Variants in TG observed in about 807,000 individuals in gnomAD.
TG encodes thyroid hormones.
Under a neutral mutation model 324.7 loss-of-function variants are expected in TG, and 270 were observed. That is an observed-to-expected ratio of 0.83 (90% CI 0.75 to 0.92). The LOEUF (loss-of-function observed/expected upper bound fraction) is 0.92. TG is among the 40% of genes least tolerant of loss of function. The probability of loss-of-function intolerance (pLI) is 0.00; values close to 1 mark genes in which losing one functional copy is unlikely to be tolerated. For synonymous variants in TG, 1,401 were observed against 1,327.0 expected (o/e 1.06, Z -1.21); for missense variants, 3,591 against 3,456.4 (o/e 1.04, Z -0.98).
intron 14 of TG, among the ~76,000 whole-genome samples, chr8:132,899,293 G>A (rs1379265146): frequency 1.3e-5 from 2 of 152,182 alleles, no homozygotes; most frequent in East Asian, 1.9e-4. Flanking sequence ...CACACACAGA[G>A]GACACCAGCT....
chr8:133,019,740 A>G (rs1835388104), intron 39 of TG, 45 bp downstream of exon 39: 2 of 1,534,662 alleles, frequency 1.3e-6, no homozygotes, highest in Non-Finnish European at 1.8e-6. Context: ...AGACTGTCCC[A>G]TTAGAAATCC....
chr8:132,908,794 G>T (rs1819074641), intron 18 of TG, among the ~76,000 whole-genome samples: 1 of 152,190 alleles, frequency 6.6e-6, no homozygotes. Context: ...AGGGACGCTG[G>T]TGAGATGAGA....
chr8:132,882,631 A>G lies in TG; in HGVS notation c.889+19A>G, dbSNP rs776425239. 1.9e-6 allele frequency: 3 copies of G among 1,614,114 alleles called. No individual in the cohort carries two copies. The African/African-American group carries it at 4.0e-5, about 22-fold the overall frequency. ...TTCCGATGTAAGTAATAAACTGCCAACAATGTGCGTGTTTCCATTAGGGGG... is the reference window on the plus strand; with the variant it reads ...TTCCGATGTAAGTAATAAACTGCCAGCAATGTGCGTGTTTCCATTAGGGGG... On this transcript the variant is annotated intron_variant, in intron 7 of 47. Coordinates refer to ENST00000220616, the MANE Select transcript of TG (RefSeq NM_003235.5).
intron 29 of TG, among the ~76,000 whole-genome samples, chr8:132,965,513 G>A (rs16904798): frequency 0.039 from 5,950 of 152,296 alleles, 381 homozygotes; most frequent in African/African-American, 0.13. Context: ...AATGGACATT[G>A]CAAACATTCC....
chr8:132,949,964 G>A (rs1456356958), intron 27 of TG, among the ~76,000 whole-genome samples: 1 of 152,194 alleles, frequency 6.6e-6, no homozygotes, highest in Non-Finnish European at 1.5e-5. Context: ...AGGAAAGACA[G>A]GACCAGCACC....
chr8:132,934,621 C>T (rs1460458315), intron 24 of TG, among the ~76,000 whole-genome samples: 2 of 152,224 alleles, frequency 1.3e-5, no homozygotes, highest in Non-Finnish European at 2.9e-5. Flanking sequence ...GCTCTTCCTC[C>T]TCTCCCCAGG....
At chr8:133,010,418 A>T (rs1390581442) in intron 35 of TG, among the ~76,000 whole-genome samples, 2 of 152,244 alleles carry the variant, frequency 1.3e-5, no homozygotes, top group African/African-American at 4.8e-5. Context: ...TAAAGGACAC[A>T]CTACTGTGGT....
At position 132,917,043 on chromosome 8, in the gene TG, C is replaced by CCTTCCT. The variant is rs1820418617; in HGVS notation, c.4379-2333_4379-2332insCTTCCT. Among the ~76,000 whole-genome samples the CCTTCCT allele has an allele frequency of 2.9e-4, 14 of 48,832 alleles. 1 individual carries two copies. The highest frequency in any genetic ancestry group is 8.1e-4 in the African/African-American group (13 of 15,952). 32.0% of individuals were successfully genotyped at this position (48,832 alleles called of 152,430 possible). Reference sequence around the variant, plus strand: ...CCTCCATGCCTCCCTCCCTCCCTCCCTCCTTCCTTCCTTCCTTCCTTCCTT... The same window carrying CCTTCCT: ...CCTCCATGCCTCCCTCCCTCCCTCCCCTTCCTTCCTTCCTTCCTTCCTTCCTTCCTT... On this transcript the variant is annotated intron_variant, in intron 20 of 47. Coordinates refer to ENST00000220616, the MANE Select transcript of TG (RefSeq NM_003235.5).
chr8:132,872,654 C>T (rs1319628458), intron 4 of TG, among the ~76,000 whole-genome samples: 2 of 152,104 alleles, frequency 1.3e-5, no homozygotes, highest in African/African-American at 4.8e-5. Flanking sequence ...CCCGGAGCAA[C>T]TGCCAGTCCT....
At chr8:132,997,196 G>T (rs1832964435) in intron 35 of TG, among the ~76,000 whole-genome samples, 1 of 152,238 alleles carries the variant, frequency 6.6e-6, no homozygotes, top group Non-Finnish European at 1.5e-5. Flanking sequence ...AAGGTTTTGA[G>T]TTGGGCAGCC....
Position 133,130,377 on chromosome 8 carries a change from G to A in TG, c.7863-1435G>A, listed in dbSNP as rs570297411. Among the ~76,000 whole-genome samples the A allele has an allele frequency of 3.3e-5, 5 of 152,336 alleles. No individual in the cohort carries two copies. In the South Asian group the frequency reaches 8.3e-4, roughly 25 times the overall value. On this transcript the variant is annotated intron_variant, in intron 45 of 47. Transcript: ENST00000220616. ...TCCATGGCAAAAGAACTTTGCAGGT[G>A]TGACTAAGGTTCAAGACCTTGAGAT...
At position 132,881,858 on chromosome 8, in the gene TG, C is replaced by G; in HGVS notation, c.639-5C>G. The G allele has an allele frequency of 6.2e-7, 1 of 1,604,150 alleles. No individual in the cohort carries two copies. The highest frequency in any genetic ancestry group is 8.5e-7 in the Non-Finnish European group (1 of 1,170,892). ...ATGGTGACCGTAAATCTCATTCTCT[C>G]CAAGGTTTCCAGATGCATTTGTGAC... On this transcript the variant is annotated splice_region_variant and splice_polypyrimidine_tract_variant and intron_variant, in intron 5 of 47. Transcript: ENST00000220616.
At chr8:132,995,988 G>A (rs1246127711) in intron 35 of TG, among the ~76,000 whole-genome samples, 2 of 152,174 alleles carry the variant, frequency 1.3e-5, no homozygotes, top group African/African-American at 4.8e-5. Flanking sequence ...AGAAGCCACA[G>A]GGAAGCACTT....
intron 41 of TG, among the ~76,000 whole-genome samples, chr8:133,079,063 T>A (rs1845344296): frequency 6.6e-6 from 1 of 152,102 alleles, no homozygotes; most frequent in African/African-American, 2.4e-5. Context: ...AGCAGCTTGG[T>A]CTTCTAGGTC....
chr8:132,941,018 G>A (rs951335421), intron 25 of TG, among the ~76,000 whole-genome samples: 1 of 152,226 alleles, frequency 6.6e-6, no homozygotes, highest in Non-Finnish European at 1.5e-5. Flanking sequence ...CAGGGTCTGT[G>A]TATATACTTA....
At chr8:133,119,892 T>A (rs1243744326) in intron 45 of TG, among the ~76,000 whole-genome samples, 9 of 152,216 alleles carry the variant, frequency 5.9e-5, no homozygotes, top group African/African-American at 1.9e-4. Context: ...TTCAAGCAAC[T>A]GCCTCCAGGT....
chr8:133,131,261 G>A (rs1487484402), intron 45 of TG, among the ~76,000 whole-genome samples: 1 of 152,204 alleles, frequency 6.6e-6, no homozygotes, highest in Non-Finnish European at 1.5e-5. Context: ...TTCCCACCAG[G>A]ATGCTGCTTC....
rs768642511 is a variant in TG, at chr8:133,116,762, A to G, written c.7862+46A>G. ...AGAGAAAGGAAGGTAAAACCGAATG[A>G]TAAGTCCCAGTTCGATGACATGGGA... is the stretch of plus-strand genomic sequence containing the variant. On this transcript the variant is annotated intron_variant, in intron 45 of 47. Coordinates refer to ENST00000220616, the MANE Select transcript of TG (RefSeq NM_003235.5). 1.2e-5 allele frequency: 19 copies of G among 1,528,436 alleles called. No individual in the cohort carries two copies. The Admixed American group carries it at 3.2e-4, about 26-fold the overall frequency. 94.7% of individuals were successfully genotyped at this position (1,528,436 alleles called of 1,614,324 possible).
At chr8:133,027,555 T>C (rs1033125878) in intron 40 of TG, among the ~76,000 whole-genome samples, 1 of 152,204 alleles carries the variant, frequency 6.6e-6, no homozygotes, top group Non-Finnish European at 1.5e-5. Context: ...GGACCCAGAC[T>C]GATGAGATAG....
Sources: gnomAD v4.1 joint callset for allele counts (sites outside exome capture counted in the v4.1 genomes callset) on GRCh38, gnomAD v4.1.1 for gene constraint, MANE v1.5 for transcripts, NCBI Gene and HGNC (gene_info 2026-07-23, HGNC 2026-07-21) for gene names.